The following TBC1D1 variants were observed in gnomAD, a reference collection of about 807,000 sequenced individuals.
TBC1D1 encodes TBC1 domain family member 1.
A neutral mutation model predicts 125.6 loss-of-function variants in TBC1D1; 89 were observed. The ratio of observed to expected loss-of-function variants is 0.71; its 90% CI spans 0.60 to 0.85. TBC1D1 has a LOEUF of 0.85. Among genes scored for constraint, TBC1D1 ranks in the 40% least tolerant of loss-of-function variants. The pLI is 0.00. For synonymous variants in TBC1D1, 565 were observed against 564.1 expected, an observed-to-expected ratio of 1.00 and a Z score of -0.02; for missense variants, 1,377 against 1,469.2, an observed-to-expected ratio of 0.94 and a Z score of 1.03.
chr4:37,932,278 G>A (rs914757420), intron 2 of TBC1D1, among the ~76,000 whole-genome samples: 1 of 151,898 alleles, frequency 6.6e-6, no homozygotes, highest in African/African-American at 2.4e-5. Flanking sequence ...ACTTAGAGAG[G>A]GTATAAAATT....
intron 2 of TBC1D1, among the ~76,000 whole-genome samples, chr4:37,971,743 A>T (rs1215788832): frequency 2.0e-5 from 3 of 152,228 alleles, no homozygotes; most frequent in African/African-American, 2.4e-5. Flanking sequence ...CTGGCTGATA[A>T]TCAGAATCAC....
rs1224659872 is a variant in TBC1D1 at position 38,115,720 on chromosome 4, T to G, written c.2568T>G (p.Phe856Leu). 1 of 1,613,730 alleles carries G rather than the reference T, an allele frequency of 6.2e-7. No individual in the cohort carries two copies. Among genetic ancestry groups the G allele is most frequent in the African/African-American group, 1.3e-5 (1 of 74,900 alleles). Residue 856 changes from phenylalanine to leucine, a missense_variant, in exon 16 of 20, where the codon TTT (phenylalanine) becomes TTG (leucine). This residue lies in a region of TBC1D1 where 543 missense variants were observed against 613.5 expected (regional missense o/e 0.89). Coordinates refer to ENST00000261439, the MANE Select transcript of TBC1D1 (RefSeq NM_015173.4). ...GTATTCTTTTCACAGGGCGAACCTT[T>G]CCTACACACCCATACTTCTCTGCCC... is the stretch of plus-strand genomic sequence containing the variant.
intron 2 of TBC1D1, among the ~76,000 whole-genome samples, chr4:37,992,653 C>T (rs377105679): frequency 4.6e-4 from 69 of 151,374 alleles, no homozygotes; most frequent in African/African-American, 1.5e-3. Flanking sequence ...TGTCACCACG[C>T]CCGGCTAGTT....
chr4:37,897,436 T>C (rs1714894940), intron 1 of TBC1D1, among the ~76,000 whole-genome samples: 1 of 152,214 alleles, frequency 6.6e-6, no homozygotes, highest in Non-Finnish European at 1.5e-5. Context: ...AACTTATTAT[T>C]TGATAGTTTA....
intron 16 of TBC1D1, 135 bp from the exon 19 acceptor site, chr4:38,117,898 C>T: frequency 1.2e-6 from 1 of 800,166 alleles, no homozygotes; most frequent in Non-Finnish European, 2.0e-6. Flanking sequence ...TAGCTGAGCT[C>T]AGTGGATCGC....
Position 37,902,552 on chromosome 4 carries a change from G to C in TBC1D1, c.417+40G>C, listed in dbSNP as rs1560457023. 4 of 1,515,408 alleles carry C rather than the reference G, an allele frequency of 2.6e-6. No individual in the cohort carries two copies. The South Asian group carries it at 5.1e-5, about 19-fold the overall frequency. The allele number at this position is 1,515,408 out of a possible 1,614,324, so 93.9% of individuals were successfully genotyped here. On this transcript the variant is annotated intron_variant, in intron 2 of 19. Transcript: ENST00000261439. ...GATCCAAAAGACTAAGGTGTGGCTG[G>C]CTGGTTTTTATTGTATGGGGGTCAG...
intron 2 of TBC1D1, among the ~76,000 whole-genome samples, chr4:38,003,829 A>G (rs1290916976): frequency 1.3e-5 from 2 of 151,018 alleles, no homozygotes; most frequent in Non-Finnish European, 2.9e-5. Context: ...GATTGTGCCC[A>G]TTATACTCCA....
intron 17 of TBC1D1, among the ~76,000 whole-genome samples, chr4:38,123,441 T>C (rs1246732636): frequency 1.3e-5 from 2 of 152,262 alleles, no homozygotes; most frequent in Non-Finnish European, 2.9e-5. Flanking sequence ...TGGGGAATTA[T>C]ACAGGTAGAC....
chr4:38,051,658 G>A (rs537435846), intron 11 of TBC1D1, among the ~76,000 whole-genome samples: 1 of 152,154 alleles, frequency 6.6e-6, no homozygotes, highest in Admixed American at 6.5e-5. Flanking sequence ...ATTGTTGGGA[G>A]CATAAACACG....
At chr4:38,100,842 G>T (rs1760191827) in intron 14 of TBC1D1, among the ~76,000 whole-genome samples, 1 of 152,154 alleles carries the variant, frequency 6.6e-6, no homozygotes, top group Non-Finnish European at 1.5e-5. Flanking sequence ...TCCACAGATG[G>T]TTATTTTATC....
chr4:38,009,597 A>G (rs1201673339), intron 2 of TBC1D1, among the ~76,000 whole-genome samples: 3 of 152,240 alleles, frequency 2.0e-5, no homozygotes, highest in Non-Finnish European at 4.4e-5. Flanking sequence ...CTTTATTTAC[A>G]GAACTGAATA....
chr4:38,114,772 G>C (rs1296464606), intron 15 of TBC1D1, among the ~76,000 whole-genome samples: 1 of 151,656 alleles, frequency 6.6e-6, no homozygotes, highest in East Asian at 1.9e-4. Context: ...GATGTTGAGA[G>C]CTTTTTTTTT....
chr4:37,914,987 A>G (rs1250902695), intron 2 of TBC1D1, among the ~76,000 whole-genome samples: 1 of 152,224 alleles, frequency 6.6e-6, no homozygotes. Context: ...TCTTGTTCAG[A>G]TATTATCATT....
rs534459658 is a variant in TBC1D1, at chr4:38,037,699, A to C, written c.1413+2001A>C. On this transcript the variant is annotated intron_variant, in intron 8 of 19. Transcript: ENST00000261439. ...GCTTTGACAAAGAACTTCTCTGGCC[A>C]CAGGACTTCAGAAGCGGACAGAGGA... 2.6e-5 allele frequency among the ~76,000 whole-genome samples: 4 copies of C among 152,354 alleles called. No homozygotes were observed. The South Asian group carries it at 8.3e-4, about 32-fold the overall frequency.
intron 12 of TBC1D1, among the ~76,000 whole-genome samples, chr4:38,067,876 C>T (rs934899460): frequency 3.9e-5 from 6 of 152,198 alleles, no homozygotes; most frequent in African/African-American, 1.4e-4. Context: ...GCCCAGGTTT[C>T]TCTGTCCTGC....
chr4:38,049,544 G>A (rs1027467861), intron 10 of TBC1D1, 74 bp from the exon 11 acceptor site: 20 of 1,495,970 alleles, frequency 1.3e-5, no homozygotes, highest in Middle Eastern at 2.0e-4. Context: ...ATGTTTGCCC[G>A]TGCAGGAACT....
At chr4:37,926,470 G>A (rs185721280) in intron 2 of TBC1D1, among the ~76,000 whole-genome samples, 233 of 152,268 alleles carry the variant, frequency 1.5e-3, no homozygotes, top group Non-Finnish European at 1.3e-4. Flanking sequence ...CTGCATCTTT[G>A]TCCAGGTACC....
Position 37,992,548 on chromosome 4 carries a change from G to A in TBC1D1, c.418-21961G>A, listed in dbSNP as rs573711446. 4.8e-5 allele frequency among the ~76,000 whole-genome samples: 7 copies of A among 145,608 alleles called. No individual in the cohort carries two copies. The East Asian group carries it at 1.4e-3, about 30-fold the overall frequency. On this transcript the variant is annotated intron_variant, in intron 2 of 19. Transcript: ENST00000261439. ...CTCGCTCTATCACCCAGGCTGGAGT[G>A]CAGTGGCGCGATCTTGGCTCACTGC...
At chr4:38,016,959 C>T (rs903303320) in intron 3 of TBC1D1, among the ~76,000 whole-genome samples, 13 of 152,070 alleles carry the variant, frequency 8.5e-5, no homozygotes, top group African/African-American at 2.9e-4. Flanking sequence ...TGTAGTAGTC[C>T]AGGTGAGAGA....
Sources: gnomAD v4.1 joint callset for allele counts (sites outside exome capture counted in the v4.1 genomes callset) on GRCh38, gnomAD v4.1.1 for gene constraint, gnomAD v4.1.1 regional missense constraint, MANE v1.5 for transcripts, NCBI Gene and HGNC (gene_info 2026-07-23, HGNC 2026-07-21) for gene names.